RCC2: variants seen among roughly 807,000 people sequenced by gnomAD.
RCC2 encodes protein RCC2.
RCC2 carries 19 observed loss-of-function variants against 64.1 expected under a neutral mutation model. That is an observed-to-expected ratio of 0.30 (90% CI 0.21 to 0.44). The LOEUF (loss-of-function observed/expected upper bound fraction) is 0.44, where lower values mean the gene tolerates loss of function less well. Among genes scored for constraint, RCC2 ranks in the 20% least tolerant of loss-of-function variants. The pLI, the probability that RCC2 is intolerant of heterozygous loss-of-function variation, is 1.00. For synonymous variants in RCC2, 325 were observed against 279.6 expected (o/e 1.16, Z -1.62); for missense variants, 508 against 710.4 (o/e 0.72, Z 3.24).
intron 7 of RCC2, among the ~76,000 whole-genome samples, chr1:17,417,879 TG>T (rs1372273531): frequency 6.6e-6 from 1 of 151,388 alleles, no homozygotes; most frequent in African/African-American, 2.4e-5. Context: ...CAAAAATATC[TG>T]GGGGGAGGAG....
chr1:17,432,483 G>A (rs1324406120), intron 2 of RCC2, among the ~76,000 whole-genome samples: 4 of 152,364 alleles, frequency 2.6e-5, no homozygotes, highest in Middle Eastern at 6.8e-3. Context: ...TGGAATGCCA[G>A]CAACTGCAGA....
At chr1:17,431,333 C>CAAAAAAA in intron 2 of RCC2, among the ~76,000 whole-genome samples, 1 of 9,664 alleles carries the variant, frequency 1.0e-4, no homozygotes, top group Non-Finnish European at 2.0e-4. Context: ...GACTCCATCT[C>CAAAAAAA]AAAAAAAAAA....
intron 2 of RCC2, among the ~76,000 whole-genome samples, chr1:17,435,847 G>A (rs1259735986): frequency 1.3e-5 from 2 of 151,448 alleles, no homozygotes; most frequent in Non-Finnish European, 2.9e-5. Flanking sequence ...GAACCCGGGA[G>A]GCGGAGATTG....
chr1:17,427,399 A>G (rs1250602606), intron 3 of RCC2, among the ~76,000 whole-genome samples: 2 of 152,212 alleles, frequency 1.3e-5, no homozygotes, highest in Non-Finnish European at 2.9e-5. Flanking sequence ...GAAAGGAGGA[A>G]GAGGAACATC....
At position 17,416,077 on chromosome 1, in the gene RCC2, A is replaced by AG. The variant is rs1557623295; in HGVS notation, c.1026+402_1026+403insC. On this transcript the variant is annotated intron_variant, in intron 8 of 12. Coordinates refer to ENST00000375436, the MANE Select transcript of RCC2 (RefSeq NM_018715.4). ...AGAGTGAAACTGTCTCCAAAAAAAA[A>AG]AGGGGGGGGGGGCGGGGGGGACAAC... Among the ~76,000 whole-genome samples, 108 of 20,636 alleles carry AG rather than the reference A, an allele frequency of 5.2e-3. 2 individuals carry two copies. Among genetic ancestry groups the AG allele is most frequent in the African/African-American group, 0.023 (98 of 4,282 alleles). 13.5% of individuals were successfully genotyped at this position (20,636 alleles called of 152,430 possible). A position where few individuals can be genotyped will look rare whatever the true frequency, so the allele number is the denominator to read the frequency against.
intron 7 of RCC2, among the ~76,000 whole-genome samples, chr1:17,419,566 T>C (rs2075527336): frequency 6.6e-6 from 1 of 152,228 alleles, no homozygotes; most frequent in Admixed American, 6.5e-5. Flanking sequence ...ATCAAGCCGA[T>C]TTCCAAACTA....
intron 3 of RCC2, among the ~76,000 whole-genome samples, chr1:17,426,016 A>C (rs922251807): frequency 1.3e-5 from 2 of 151,830 alleles, no homozygotes; most frequent in African/African-American, 4.8e-5. Context: ...GAGCACGCCC[A>C]CCCGCAAGTG....
At chr1:17,419,371 G>C (rs2075525593) in intron 7 of RCC2, among the ~76,000 whole-genome samples, 1 of 152,124 alleles carries the variant, frequency 6.6e-6, no homozygotes, top group Non-Finnish European at 1.5e-5. Context: ...TTATCTTGGC[G>C]TTGCCCAGCC....
At position 17,429,169 on chromosome 1, in the gene RCC2, G is replaced by C. The variant is rs757134239; in HGVS notation, c.316C>G (p.Leu106Val). The change falls in exon 3 of 13, where the codon CTT becomes GTT. Residue 106 changes from leucine (L) to valine (V), a missense_variant. Physicochemically the swap from Leu to Val is conservative, Grantham distance 32. This residue lies in a region of RCC2 where 132 missense variants were observed against 207.3 expected (regional missense o/e 0.64). Transcript: ENST00000375436. ...KLEGSKCKGQ[L>V]LIFGATNWDL... is the part of the protein sequence containing the mutation. ...CAGTTGGTTGCCCCAAAAATCAAAAGCTGCCCTTTGCACTTTGACCCTTCA... is the reference window on the plus strand; with the variant it reads ...CAGTTGGTTGCCCCAAAAATCAAAACCTGCCCTTTGCACTTTGACCCTTCA... 6.2e-7 allele frequency: 1 copy of C among 1,614,160 alleles called. No individual in the cohort carries two copies. Among genetic ancestry groups the C allele is most frequent in the Non-Finnish European group, 8.5e-7 (1 of 1,180,010 alleles).
At position 17,412,153 on chromosome 1, in the gene RCC2, C is replaced by A; in HGVS notation, c.1355G>T (p.Ser452Ile). 6.2e-7 allele frequency: 1 copy of A among 1,614,172 alleles called. No homozygotes were observed. Among genetic ancestry groups the A allele is most frequent in the Non-Finnish European group, 8.5e-7 (1 of 1,180,028 alleles). The change falls in exon 11 of 13, where the codon AGC becomes ATC. Residue 452 changes from serine to isoleucine, a missense_variant. Physicochemically the swap from Ser to Ile is moderately radical, Grantham distance 142. This residue lies in a region of RCC2 where 179 missense variants were observed against 322.0 expected (regional missense o/e 0.56). Coordinates refer to ENST00000375436, the MANE Select transcript of RCC2 (RefSeq NM_018715.4). ...CCCAAAGGTCGGTGACGGACCCCAG[C>A]TGATGGTGCTCTCATCGGCGGCCAC... ...IIVAADESTISWGPSPTFGEL... is the reference protein window; with the variant it reads ...IIVAADESTIIWGPSPTFGEL...
chr1:17,418,702 A>G (rs1026280532), intron 7 of RCC2, among the ~76,000 whole-genome samples: 1 of 152,026 alleles, frequency 6.6e-6, no homozygotes, highest in African/African-American at 2.4e-5. Context: ...AAATTCCCCC[A>G]CCTTCTAGGC....
chr1:17,422,874 G>T (rs920531406), intron 4 of RCC2, 38 bp from the exon 5 acceptor site: 7 of 1,612,546 alleles, frequency 4.3e-6, no homozygotes, highest in African/African-American at 1.3e-5. Flanking sequence ...AAGAGAGAGG[G>T]TGGTCCAGGC....
chr1:17,425,391 C>G, intron 4 of RCC2, 150 bp downstream of exon 4: 1 of 774,632 alleles, frequency 1.3e-6, no homozygotes, highest in Non-Finnish European at 1.9e-6. Context: ...AAGAGACGAG[C>G]TGGGAATTAG....
At chr1:17,435,034 T>C (rs1469919697) in intron 2 of RCC2, among the ~76,000 whole-genome samples, 5 of 151,744 alleles carry the variant, frequency 3.3e-5, no homozygotes, top group Non-Finnish European at 5.9e-5. Context: ...ACCCAGGAGG[T>C]GGAGGCTGCA....
intron 2 of RCC2, among the ~76,000 whole-genome samples, chr1:17,435,482 G>A (rs2075726519): frequency 6.6e-6 from 1 of 152,242 alleles, no homozygotes; most frequent in Non-Finnish European, 1.5e-5. Context: ...AGCACACAGG[G>A]TCCCTAGGAC....
intron 2 of RCC2, among the ~76,000 whole-genome samples, chr1:17,435,004 G>A (rs968593456): frequency 1.3e-5 from 2 of 152,300 alleles, no homozygotes; most frequent in Admixed American, 1.3e-4. Context: ...TCAGGAGGCT[G>A]AGGCAGGAGA....
intron 4 of RCC2, among the ~76,000 whole-genome samples, chr1:17,424,489 A>T (rs1446222760): frequency 6.6e-6 from 1 of 152,244 alleles, no homozygotes; most frequent in Admixed American, 6.5e-5. Flanking sequence ...GCCAACCGGG[A>T]GAAAACAAAA....
At chr1:17,433,492 C>T (rs1056086926) in intron 2 of RCC2, among the ~76,000 whole-genome samples, 12 of 152,236 alleles carry the variant, frequency 7.9e-5, no homozygotes, top group Non-Finnish European at 1.6e-4. Context: ...AGGCGGAATC[C>T]AGCCTTCCCT....
intron 11 of RCC2, among the ~76,000 whole-genome samples, chr1:17,411,179 T>TA (rs770898857): frequency 2.9e-4 from 44 of 152,160 alleles, no homozygotes; most frequent in South Asian, 6.2e-4. Context: ...AATAAGGGAC[T>TA]AAAACTAAGA....
Sources: gnomAD v4.1 joint callset for allele counts (sites outside exome capture counted in the v4.1 genomes callset) on GRCh38, gnomAD v4.1.1 for gene constraint, gnomAD v4.1.1 regional missense constraint, MANE v1.5 for transcripts, NCBI Gene and HGNC (gene_info 2026-07-23, HGNC 2026-07-21) for gene names.